Variants in PKD1 observed in about 807,000 individuals in gnomAD.
PKD1 encodes the protein polycystin-1.
PKD1 carries 81 observed loss-of-function variants against 361.7 expected under a neutral mutation model. The ratio of observed to expected loss-of-function variants is 0.22; its 90% CI spans 0.19 to 0.27. The LOEUF (loss-of-function observed/expected upper bound fraction) is 0.27, where lower values mean the gene tolerates loss of function less well. PKD1 is among the 10% of genes least tolerant of loss of function. The pLI is 1.00. For missense variants in PKD1, 6,399 were observed against 6,118.3 expected, an observed-to-expected ratio of 1.05 and a Z score of -1.53; for synonymous variants, 3,615 against 2,818.3, an observed-to-expected ratio of 1.28 and a Z score of -8.95.
Position 2,111,548 on chromosome 16 carries a change from G to T in PKD1, c.3619C>A (p.Arg1207Ser), listed in dbSNP as rs777331724. The T allele has an allele frequency of 1.1e-5, 18 of 1,593,866 alleles. No homozygotes were observed. Among genetic ancestry groups the T allele is most frequent in the Non-Finnish European group, 1.5e-5 (18 of 1,171,356 alleles). The stretch of plus-strand genomic sequence containing the variant: ...AGTCCGCGGAGCTCCTCAAAGACGC[G>T]CACATCCGCCTGGGCCGCCGCACCG... ...VSGAAAQADV[R>S]VFEELRGLSV... Residue 1207 changes from arginine to serine, a missense_variant, in exon 15 of 46, where the codon CGC becomes AGC. Arg to Ser is a moderately radical substitution (Grantham distance 110). Transcript: ENST00000262304.
chr16:2,090,653 C>G (rs748396724), intron 44 of PKD1, 21 bp downstream of exon 44: 2 of 1,603,924 alleles, frequency 1.2e-6, no homozygotes, highest in East Asian at 4.5e-5. Context: ...AGACGCCCTC[C>G]CCGGCCGCGC....
Position 2,106,706 on chromosome 16 carries a change from G to A in PKD1, c.7210-29C>T, listed in dbSNP as rs772529568. On this transcript the variant is annotated intron_variant, in intron 17 of 45. Coordinates refer to ENST00000262304, the MANE Select transcript of PKD1 (RefSeq NM_001009944.3). This position sits in a 1 kb window ranked among gnomAD's most constrained non-coding sequence, Gnocchi z 6.5. The stretch of plus-strand genomic sequence containing the variant: ...CAGGCAGAAGGGGTGGTGAGGGGGC[G>A]CAACCCTCTGCCCTGTCAGCCCCAC... 34 of 1,564,666 alleles carry A rather than the reference G, an allele frequency of 2.2e-5. No individual in the cohort carries two copies. Among genetic ancestry groups the A allele is most frequent in the Middle Eastern group, 2.3e-4 (1 of 4,396 alleles).
rs538769374 is a variant in PKD1 at position 2,106,665 on chromosome 16, G to A, written c.7222C>T (p.Arg2408Cys). Reference protein sequence around the residue: ...SGSKRGRWAARTFSNKTLVLD... With the variant: ...SGSKRGRWAACTFSNKTLVLD... Reference sequence around the variant, plus strand: ...ACCAGCGTCTTGTTGCTGAACGTACGTGCAGCCCACCGCTGCAGGCAGAAG... The same window carrying A: ...ACCAGCGTCTTGTTGCTGAACGTACATGCAGCCCACCGCTGCAGGCAGAAG... The change falls in exon 18 of 46, where the codon CGT (arginine) becomes TGT (cysteine). Residue 2408 changes from arginine (R) to cysteine (C), a missense_variant. By Grantham distance (180) the Arg-to-Cys change is radical. Coordinates refer to ENST00000262304, the MANE Select transcript of PKD1 (RefSeq NM_001009944.3). The surrounding 1 kb of genome is among the most constrained non-coding windows in gnomAD (Gnocchi z 6.5). The A allele has an allele frequency of 6.0e-5, 95 of 1,595,778 alleles. No individual in the cohort carries two copies. The highest frequency in any genetic ancestry group is 7.1e-5 in the Non-Finnish European group (84 of 1,178,470).
chr16:2,088,878 C>T lies in PKD1; in HGVS notation c.*849G>A, dbSNP rs915509688. The T allele has an allele frequency of 2.7e-5, 13 of 482,686 alleles. No homozygotes were observed. Among genetic ancestry groups the T allele is most frequent in the Admixed American group, 7.4e-5 (2 of 27,150 alleles). 29.9% of individuals were successfully genotyped at this position (482,686 alleles called of 1,614,324 possible). On this transcript the variant is annotated 3_prime_UTR_variant, in exon 46 of 46. Transcript: ENST00000262304. ...CATACAGCACACTCGCGCGTGCGCGCGCGCACACACACACACACACAGTCA... is the reference window on the plus strand; with the variant it reads ...CATACAGCACACTCGCGCGTGCGCGTGCGCACACACACACACACACAGTCA...
intron 21 of PKD1, 45 bp downstream of exon 21, chr16:2,105,277 C>CCTGG: frequency 6.3e-7 from 1 of 1,587,922 alleles, no homozygotes; most frequent in Non-Finnish European, 8.5e-7. Flanking sequence ...AACCCAGTGC[C>CCTGG]CTGGCAGGCA....
chr16:2,097,620 G>A, intron 32 of PKD1, 108 bp downstream of exon 32: 1 of 1,610,272 alleles, frequency 6.2e-7, no homozygotes, highest in South Asian at 1.1e-5. Context: ...CGGGTGGTGT[G>A]ACCACATGGA....
In PKD1 at chr16:2,097,321, G is replaced by A; in HGVS notation, c.10403C>T (p.Ser3468Leu). Reference protein sequence around the residue: ...PYSPAKSFSASDEDLIQQVLA... With the variant: ...PYSPAKSFSALDEDLIQQVLA... ...CCCCTCCTCTCACCCCAGCTCACCT[G>A]ATGCTGAGAAGGATTTGGCAGGCGA... is the stretch of plus-strand genomic sequence containing the variant. The change falls in exon 33 of 46, where the codon TCA becomes TTA. Residue 3468 changes from serine to leucine, a missense_variant and splice_region_variant. Coordinates refer to ENST00000262304, the MANE Select transcript of PKD1 (RefSeq NM_001009944.3). 4.3e-6 allele frequency: 7 copies of A among 1,612,914 alleles called. No homozygotes were observed. The highest frequency in any genetic ancestry group is 5.9e-6 in the Non-Finnish European group (7 of 1,179,950).
intron 20 of PKD1, 115 bp downstream of exon 20, chr16:2,105,750 G>A (rs1353381771): frequency 3.0e-6 from 4 of 1,342,172 alleles, no homozygotes; most frequent in South Asian, 1.2e-5. Context: ...AGGGTCACTG[G>A]GATTTATCTC....
Position 2,091,176 on chromosome 16 carries a change from T to G in PKD1, c.11713-2A>C, listed in dbSNP as rs1555445274. Reference sequence around the variant, plus strand: ...CACGGCGAACAGCAGCAGGCACACCTGTGGGGGGCGCGGTCAGGAGGGCGG... The same window carrying G: ...CACGGCGAACAGCAGCAGGCACACCGGTGGGGGGCGCGGTCAGGAGGGCGG... On this transcript the variant is annotated splice_acceptor_variant, in intron 42 of 45. Transcript: ENST00000262304. LOFTEE classifies it high-confidence loss of function. The G allele has an allele frequency of 7.5e-7, 1 of 1,339,010 alleles. No homozygotes were observed. Among genetic ancestry groups the G allele is most frequent in the Non-Finnish European group, 9.5e-7 (1 of 1,049,164 alleles). The allele number at this position is 1,339,010 out of a possible 1,614,324, so 82.9% of individuals were successfully genotyped here. A position where few individuals can be genotyped will look rare whatever the true frequency, so the allele number is the denominator to read the frequency against.
rs945543217 is a variant in PKD1 at position 2,100,658 on chromosome 16, A to C, written c.9398-92T>G. On this transcript the variant is annotated intron_variant, in intron 26 of 45. Transcript: ENST00000262304. The surrounding 1 kb of genome is among the most constrained non-coding windows in gnomAD (Gnocchi z 4.4). ...GTCATCTCAGCTTTGGCCTGTGCGC[A>C]CTCAAGGAGCCACACAGGCAGTCCC... is the stretch of plus-strand genomic sequence containing the variant. The C allele has an allele frequency of 1.8e-6, 2 of 1,137,774 alleles. No individual in the cohort carries two copies. The highest frequency in any genetic ancestry group is 2.6e-6 in the Non-Finnish European group (2 of 772,622). 70.5% of individuals were successfully genotyped at this position (1,137,774 alleles called of 1,614,324 possible). A position where few individuals can be genotyped will look rare whatever the true frequency, so the allele number is the denominator to read the frequency against.
At chr16:2,091,669 T>C in intron 41 of PKD1, 72 bp from the exon 42 acceptor site, 1 of 1,560,714 alleles carries the variant, frequency 6.4e-7, no homozygotes, top group South Asian at 1.2e-5. Flanking sequence ...AGTGCAGGCG[T>C]GGCTGAGGGG....
At position 2,102,853 on chromosome 16, in the gene PKD1, C is replaced by A. The variant is rs570792300; in HGVS notation, c.8909G>T (p.Gly2970Val). ...SRRIRPESLQ[G>V]ADHRPYTFFI... ...GAAGGTGTAGGGCCGGTGGTCAGCA[C>A]CCTGGAGTGACTCTGGGCGGATCCT... Residue 2970 changes from glycine to valine, a missense_variant, in exon 24 of 46, where the codon GGT becomes GTT. Physicochemically the swap from Gly to Val is moderately radical, Grantham distance 109. Transcript: ENST00000262304. 37 of 1,598,916 alleles carry A rather than the reference C, an allele frequency of 2.3e-5. No individual in the cohort carries two copies. In the South Asian group the frequency reaches 3.8e-4, roughly 16 times the overall value.
In PKD1 at chr16:2,097,861, T is replaced by A. The variant is rs3869438; in HGVS notation, c.10167+7A>T. Reference sequence around the variant, plus strand: ...GCCCAGCCCAGGACCCCCAGTAGAGTCCTCACCTCAGCGTGGAGGCCTGAG... The same window carrying A: ...GCCCAGCCCAGGACCCCCAGTAGAGACCTCACCTCAGCGTGGAGGCCTGAG... On this transcript the variant is annotated splice_region_variant and intron_variant, in intron 31 of 45. Transcript: ENST00000262304. 1 of 1,606,794 alleles carries A rather than the reference T, an allele frequency of 6.2e-7. No homozygotes were observed. Among genetic ancestry groups the A allele is most frequent in the Admixed American group, 1.7e-5 (1 of 59,982 alleles).
chr16:2,092,379 TCA>T, intron 39 of PKD1, 99 bp downstream of exon 39: 3 of 985,944 alleles, frequency 3.0e-6, no homozygotes, highest in African/African-American at 3.2e-5. Context: ...AGGGCAAAGG[TCA>T]CACAGCTAGG....
intron 1 of PKD1, among the ~76,000 whole-genome samples, chr16:2,122,162 A>G (rs1328560852): frequency 1.3e-5 from 2 of 152,250 alleles, no homozygotes; most frequent in Non-Finnish European, 2.9e-5. Flanking sequence ...CGTGCCAGGA[A>G]GCAGCACCAG....
Position 2,090,872 on chromosome 16 carries a change from C to G in PKD1, c.12003+12G>C. Reference sequence around the variant, plus strand: ...GTGCGCCCAGCCCCGCGCCCACCGGCCCAGCCCTCACCTTGACCAAAAGCA... The same window carrying G: ...GTGCGCCCAGCCCCGCGCCCACCGGGCCAGCCCTCACCTTGACCAAAAGCA... On this transcript the variant is annotated intron_variant, in intron 43 of 45. Transcript: ENST00000262304. The G allele has an allele frequency of 6.2e-7, 1 of 1,606,110 alleles. No individual in the cohort carries two copies. The highest frequency in any genetic ancestry group is 8.5e-7 in the Non-Finnish European group (1 of 1,179,690).
rs760864722 is a variant in PKD1 at position 2,100,454 on chromosome 16, G to A, written c.9510C>T (p.Ile3170=). The part of the protein sequence containing the change: ...FHRNSLDIFR[I]ATPHSLGSVW... ...CGCTACCCAGGCTGTGCGGGGTGGC[G>A]ATCCGGAAGATGTCCAGGCTGTTGC... The change falls in exon 27 of 46, where the codon ATC becomes ATT. Residue 3170 remains isoleucine (I), a synonymous_variant. Coordinates refer to ENST00000262304, the MANE Select transcript of PKD1 (RefSeq NM_001009944.3). The surrounding 1 kb of genome is among the most constrained non-coding windows in gnomAD (Gnocchi z 4.4). 1.4e-5 allele frequency: 23 copies of A among 1,610,770 alleles called. No individual in the cohort carries two copies. Among genetic ancestry groups the A allele is most frequent in the South Asian group, 8.8e-5 (8 of 90,996 alleles).
Position 2,115,766 on chromosome 16 carries a change from G to A in PKD1, c.1850-141C>T, listed in dbSNP as rs552331758. ...GGCAGCACTCCCAGCCCAGTGCTGC[G>A]TCCGTCTCCGGCCAGCCGACTGACC... is the stretch of plus-strand genomic sequence containing the variant. On this transcript the variant is annotated intron_variant, in intron 9 of 45. Coordinates refer to ENST00000262304, the MANE Select transcript of PKD1 (RefSeq NM_001009944.3). 89 of 1,018,842 alleles carry A rather than the reference G, an allele frequency of 8.7e-5. No homozygotes were observed. The East Asian group carries it at 1.9e-3, about 22-fold the overall frequency. The allele number at this position is 1,018,842 out of a possible 1,614,324, so 63.1% of individuals were successfully genotyped here. A position where few individuals can be genotyped will look rare whatever the true frequency, so the allele number is the denominator to read the frequency against.
In PKD1 at chr16:2,114,587, G is replaced by A; in HGVS notation, c.2436C>T (p.Ser812=). 5 of 1,593,458 alleles carry A rather than the reference G, an allele frequency of 3.1e-6. No homozygotes were observed. Among genetic ancestry groups the A allele is most frequent in the Non-Finnish European group, 4.2e-6 (5 of 1,178,492 alleles). The change falls in exon 11 of 46, where the codon TCC becomes TCT. Residue 812 remains serine (S), a synonymous_variant. Coordinates refer to ENST00000262304, the MANE Select transcript of PKD1 (RefSeq NM_001009944.3). The part of the protein sequence containing the change: ...VGNGVSRHNL[S]CSFDVVSPVA... ...CTGGGGAGACCACGTCAAAGCTGCA[G>A]GAGAGGTTGTGCCTGGACACGCCAT...
Sources: gnomAD v4.1 joint callset for allele counts (sites outside exome capture counted in the v4.1 genomes callset) on GRCh38, gnomAD v4.1.1 for gene constraint, Gnocchi (gnomAD v3.1) non-coding constraint, MANE v1.5 for transcripts, NCBI Gene and HGNC (gene_info 2026-07-23, HGNC 2026-07-21) for gene names.